Variants in TDRD5 observed in about 807,000 individuals in gnomAD.
TDRD5 encodes the protein tudor domain containing 5, also known as tudor domain-containing protein 5.
TDRD5 carries 41 observed loss-of-function variants against 120.6 expected under a neutral mutation model. The observed-to-expected ratio is 0.34, with a 90% CI of 0.26 to 0.44. The LOEUF (loss-of-function observed/expected upper bound fraction) is 0.44, where lower values mean the gene tolerates loss of function less well. TDRD5 is among the 20% of genes least tolerant of loss of function. TDRD5 has a pLI of 1.00. For synonymous variants in TDRD5, 430 were observed against 433.7 expected (o/e 0.99, Z 0.11); for missense variants, 1,006 against 1,221.2 (o/e 0.82, Z 2.63).
intron 11 of TDRD5, among the ~76,000 whole-genome samples, 185 bp downstream of exon 11, chr1:179,640,630 G>C (rs1205352586): frequency 1.3e-5 from 2 of 152,164 alleles, no homozygotes; most frequent in Admixed American, 6.5e-5. Context: ...TTTGCTATAG[G>C]AGAGGTTTCA....
chr1:179,672,734 A>C (rs1679921673), intron 17 of TDRD5, among the ~76,000 whole-genome samples: 1 of 152,178 alleles, frequency 6.6e-6, no homozygotes, highest in Non-Finnish European at 1.5e-5. Flanking sequence ...TTCAGGTCTT[A>C]GATTTAAGTC....
chr1:179,650,966 AT>A lies in TDRD5; in HGVS notation c.1907del (p.Leu636CysfsTer16). 6.2e-7 allele frequency: 1 copy of A among 1,614,128 alleles called. No homozygotes were observed. The highest frequency in any genetic ancestry group is 8.5e-7 in the Non-Finnish European group (1 of 1,180,016). Reference sequence around the variant, plus strand: ...TGAATATGTAGATGGAATCCTTAACATTTTTTTGTGTGACACATCCTCAAAC... The same window carrying A: ...TGAATATGTAGATGGAATCCTTAACATTTTTTGTGTGACACATCCTCAAAC... The part of the protein sequence containing the change: ...VDEYVDGILN[I>X]FLCDTSSNED... On this transcript the variant is annotated frameshift_variant, in exon 12 of 18. Coordinates refer to ENST00000444136, the MANE Select transcript of TDRD5 (RefSeq NM_001199085.3). LOFTEE classifies it high-confidence loss of function.
At chr1:179,597,332 C>CTTTTTTTTTTTTTTTTTT (rs945509784) in intron 4 of TDRD5, among the ~76,000 whole-genome samples, 51 of 125,536 alleles carry the variant, frequency 4.1e-4, no homozygotes, top group Non-Finnish European at 6.3e-4. Flanking sequence ...TTCTTTTTTT[C>CTTTTTTTTTTTTTTTTTT]TTTTTTTTTT....
At chr1:179,619,988 T>G (rs1196845157) in intron 5 of TDRD5, among the ~76,000 whole-genome samples, 1 of 152,192 alleles carries the variant, frequency 6.6e-6, no homozygotes, top group Non-Finnish European at 1.5e-5. Context: ...TTGGATATTC[T>G]CCAAACTAGG....
chr1:179,682,154 T>C (rs1680457870), intron 17 of TDRD5, among the ~76,000 whole-genome samples: 1 of 151,018 alleles, frequency 6.6e-6, no homozygotes, highest in African/African-American at 2.4e-5. Context: ...TGATTTTTTT[T>C]CTCCTGATTA....
At chr1:179,594,956 AT>A (rs1363685385) in intron 3 of TDRD5, among the ~76,000 whole-genome samples, 1 of 152,228 alleles carries the variant, frequency 6.6e-6, no homozygotes, top group Non-Finnish European at 1.5e-5. Flanking sequence ...TGGGGGGTGA[AT>A]ATTCCTTTCC....
chr1:179,615,667 CT>C, intron 4 of TDRD5, among the ~76,000 whole-genome samples: 1 of 152,216 alleles, frequency 6.6e-6, no homozygotes, highest in East Asian at 1.9e-4. Context: ...CACATTATAA[CT>C]TCTGCCCTCT....
chr1:179,666,566 C>T (rs557998870), intron 16 of TDRD5, among the ~76,000 whole-genome samples: 6 of 152,270 alleles, frequency 3.9e-5, no homozygotes, highest in African/African-American at 9.6e-5. Context: ...TTTCCTCCTA[C>T]CTCCCGACGT....
intron 4 of TDRD5, among the ~76,000 whole-genome samples, chr1:179,600,677 G>A (rs1675656696): frequency 6.6e-6 from 1 of 151,756 alleles, no homozygotes; most frequent in Admixed American, 6.6e-5. Flanking sequence ...TGTTTACTTT[G>A]GGTTAATTTC....
intron 4 of TDRD5, among the ~76,000 whole-genome samples, chr1:179,616,116 A>G (rs368994771): frequency 2.3e-4 from 35 of 152,270 alleles, no homozygotes; most frequent in Admixed American, 1.8e-3. Flanking sequence ...GAAGCACAAA[A>G]AGAGGCCATA....
At chr1:179,620,901 AAAC>A (rs1676807026) in intron 5 of TDRD5, 131 bp from the exon 6 acceptor site, 1 of 687,688 alleles carries the variant, frequency 1.5e-6, no homozygotes, top group South Asian at 2.7e-5. Context: ...TTTCAAAAAA[AAAC>A]AATTTAATAT....
chr1:179,595,647 A>G lies in TDRD5; in HGVS notation c.660A>G (p.Pro220=). Reference sequence around the variant, plus strand: ...CAAAAGGTAAAATTTTTACCCAGCCATTTAGAATGAAACAAGGGTCATACT... The same window carrying G: ...CAAAAGGTAAAATTTTTACCCAGCCGTTTAGAATGAAACAAGGGTCATACT... ...GCPAGKIFTQ[P]FRMKQGSYST... is the part of the protein sequence containing the mutation. The change falls in exon 4 of 18, where the codon CCA becomes CCG. Residue 220 remains proline (P), a synonymous_variant. Coordinates refer to ENST00000444136, the MANE Select transcript of TDRD5 (RefSeq NM_001199085.3). 1 of 1,586,862 alleles carries G rather than the reference A, an allele frequency of 6.3e-7. No individual in the cohort carries two copies. Among genetic ancestry groups the G allele is most frequent in the Non-Finnish European group, 8.5e-7 (1 of 1,171,000 alleles).
intron 14 of TDRD5, among the ~76,000 whole-genome samples, chr1:179,656,091 C>A (rs1274387490): frequency 6.6e-6 from 1 of 152,154 alleles, no homozygotes; most frequent in Non-Finnish European, 1.5e-5. Flanking sequence ...GCTCCATTTT[C>A]TTGTCAGCAC....
chr1:179,639,281 TG>T (rs1677917508), intron 9 of TDRD5, among the ~76,000 whole-genome samples: 1 of 152,180 alleles, frequency 6.6e-6, no homozygotes, highest in South Asian at 2.1e-4. Flanking sequence ...AGCTGGTAAA[TG>T]ATGGAGTCAG....
At chr1:179,625,621 G>A (rs758917358) in intron 6 of TDRD5, among the ~76,000 whole-genome samples, 5 of 152,130 alleles carry the variant, frequency 3.3e-5, no homozygotes, top group Non-Finnish European at 5.9e-5. Flanking sequence ...TTGTAAGTGT[G>A]TATTTATCCT....
chr1:179,607,024 G>T lies in TDRD5; in HGVS notation c.831+11206G>T, dbSNP rs189923498. Among the ~76,000 whole-genome samples, 458 of 152,156 alleles carry T rather than the reference G, an allele frequency of 3.0e-3. 1 individual carries two copies. The highest frequency in any genetic ancestry group is 0.01 in the African/African-American group (435 of 41,544). On this transcript the variant is annotated intron_variant, in intron 4 of 17. Coordinates refer to ENST00000444136, the MANE Select transcript of TDRD5 (RefSeq NM_001199085.3). ...TTGAATAGAATCTATAAATCAAGTT[G>T]GGAAGAGCTAACATCTGGACAATAT...
At position 179,592,453 on chromosome 1, in the gene TDRD5, C is replaced by G. The variant is rs1045161756; in HGVS notation, c.-14-149C>G. 1.8e-5 allele frequency: 11 copies of G among 621,496 alleles called. 1 individual carries two copies. Among genetic ancestry groups the G allele is most frequent in the Admixed American group, 5.9e-5 (2 of 34,188 alleles). 38.5% of individuals were successfully genotyped at this position (621,496 alleles called of 1,614,324 possible). On this transcript the variant is annotated intron_variant, in intron 1 of 17. Transcript: ENST00000444136. ...TCAGGGCTTGAATCGCCCGGCCACG[C>G]GCAAGCCGCAGGGCACCCTCATACT... is the stretch of plus-strand genomic sequence containing the variant.
chr1:179,653,553 A>G lies in TDRD5; in HGVS notation c.2161-648A>G, dbSNP rs1296168031. On this transcript the variant is annotated intron_variant, in intron 13 of 17. Transcript: ENST00000444136. ...TAGTCATTATTACTGGACTAGGAGA[A>G]TTCTTTTTCTTCATTCTTAAATAGT... Among the ~76,000 whole-genome samples, 4 of 152,316 alleles carry G rather than the reference A, an allele frequency of 2.6e-5. No homozygotes were observed. The East Asian group carries it at 7.7e-4, about 29-fold the overall frequency.
intron 17 of TDRD5, among the ~76,000 whole-genome samples, chr1:179,685,859 A>G (rs1364787403): frequency 6.6e-6 from 1 of 152,162 alleles, no homozygotes; most frequent in African/African-American, 2.4e-5. Context: ...TTATTGGTGT[A>G]TAGTAATGCT....
Sources: gnomAD v4.1 joint callset for allele counts (sites outside exome capture counted in the v4.1 genomes callset) on GRCh38, gnomAD v4.1.1 for gene constraint, MANE v1.5 for transcripts, NCBI Gene and HGNC (gene_info 2026-07-23, HGNC 2026-07-21) for gene names.